Variants in TRIM3 observed in about 807,000 individuals in gnomAD.
The protein encoded by TRIM3 is tripartite motif containing 3.
TRIM3 carries 13 observed loss-of-function variants against 66.6 expected under a neutral mutation model. The observed-to-expected ratio is 0.20, with a 90% CI of 0.13 to 0.31. TRIM3 has a LOEUF of 0.31. Among genes scored for constraint, TRIM3 ranks in the 10% least tolerant of loss-of-function variants. The probability of loss-of-function intolerance (pLI) is 1.00; values close to 1 mark genes in which losing one functional copy is unlikely to be tolerated. For synonymous variants in TRIM3, 406 were observed against 411.7 expected, an observed-to-expected ratio of 0.99 and a Z score of 0.17; for missense variants, 711 against 1,020.4, an observed-to-expected ratio of 0.70 and a Z score of 4.13.
Position 6,449,462 on chromosome 11 carries a change from G to A in TRIM3, c.1942-16C>T, listed in dbSNP as rs1849629962. The stretch of plus-strand genomic sequence containing the variant: ...CACTGTACACCTGGCGGGGGAAGGG[G>A]CTAGGGACTGGGGACCTGGCCTCAG... On this transcript the variant is annotated splice_polypyrimidine_tract_variant and intron_variant, in intron 10 of 11. Coordinates refer to ENST00000345851, the MANE Select transcript of TRIM3 (RefSeq NM_033278.4). The surrounding 1 kb of genome is among the most constrained non-coding windows in gnomAD (Gnocchi z 5.3). The A allele has an allele frequency of 6.2e-7, 1 of 1,609,150 alleles. No individual in the cohort carries two copies. The highest frequency in any genetic ancestry group is 8.5e-7 in the Non-Finnish European group (1 of 1,176,804).
In TRIM3 at chr11:6,458,349, C is replaced by T; in HGVS notation, c.132-53G>A. ...GAGTGGGTGGGGTGGCATAAGTGCA[C>T]CCTTCCTTATACTTCCCATGGGTGC... On this transcript the variant is annotated intron_variant, in intron 2 of 11. Coordinates refer to ENST00000345851, the MANE Select transcript of TRIM3 (RefSeq NM_033278.4). This position sits in a 1 kb window ranked among gnomAD's most constrained non-coding sequence, Gnocchi z 6.2. 6.7e-6 allele frequency: 10 copies of T among 1,489,634 alleles called. No homozygotes were observed. Among genetic ancestry groups the T allele is most frequent in the Non-Finnish European group, 9.3e-6 (10 of 1,078,142 alleles). The allele number at this position is 1,489,634 out of a possible 1,614,324, so 92.3% of individuals were successfully genotyped here. A position where few individuals can be genotyped will look rare whatever the true frequency, so the allele number is the denominator to read the frequency against.
At chr11:6,460,886 T>G (rs1850202178) in intron 2 of TRIM3, among the ~76,000 whole-genome samples, 1 of 150,150 alleles carries the variant, frequency 6.7e-6, no homozygotes, top group South Asian at 2.1e-4. Flanking sequence ...TTTGTTTTTG[T>G]TTTTTTGGTG....
rs930352035 is a variant in TRIM3 at position 6,450,896 on chromosome 11, A to G, written c.1866T>C (p.Phe622=). The G allele has an allele frequency of 1.2e-6, 2 of 1,614,200 alleles. No homozygotes were observed. The highest frequency in any genetic ancestry group is 1.3e-5 in the African/African-American group (1 of 75,066). The change falls in exon 9 of 12, where the codon TTT becomes TTC. Residue 622 remains phenylalanine (F), a synonymous_variant. Coordinates refer to ENST00000345851, the MANE Select transcript of TRIM3 (RefSeq NM_033278.4). This position sits in a 1 kb window ranked among gnomAD's most constrained non-coding sequence, Gnocchi z 4.8. ...FGGRGATDRH[F]AGPHFVAVNN... is the part of the protein sequence containing the mutation. ...CTTGGAGCTGTCCCCCTATACCTGC[A>G]AAGTGGCGGTCAGTGGCCCCACGGC... is the stretch of plus-strand genomic sequence containing the variant.
chr11:6,461,974 C>T (rs1488811573), intron 2 of TRIM3, among the ~76,000 whole-genome samples: 2 of 152,210 alleles, frequency 1.3e-5, no homozygotes, highest in African/African-American at 4.8e-5. Context: ...AATTTCACCT[C>T]ATCCCACTTT....
rs368338923 is a variant in TRIM3, at chr11:6,468,109, C to A, written c.-37-2377G>T. The stretch of plus-strand genomic sequence containing the variant: ...GATCAGTCTGGGCAACATAATGAGA[C>A]CCCATCTCTATAAAAATAAAATAAA... On this transcript the variant is annotated intron_variant, in intron 1 of 11. Transcript: ENST00000345851. 2.0e-5 allele frequency among the ~76,000 whole-genome samples: 3 copies of A among 152,250 alleles called. No individual in the cohort carries two copies. In the East Asian group the frequency reaches 5.8e-4, roughly 29 times the overall value.
chr11:6,462,037 C>T (rs1850265680), intron 2 of TRIM3, among the ~76,000 whole-genome samples: 1 of 152,188 alleles, frequency 6.6e-6, no homozygotes, highest in African/African-American at 2.4e-5. Flanking sequence ...CATGTCCTGT[C>T]TACTTCTTCC....
chr11:6,466,696 C>T (rs1331761510), intron 1 of TRIM3, among the ~76,000 whole-genome samples: 3 of 151,732 alleles, frequency 2.0e-5, no homozygotes, highest in African/African-American at 7.3e-5. Flanking sequence ...TTCCTGGCCC[C>T]TTTTCCTGGC....
Position 6,449,015 on chromosome 11 carries a change from G to C in TRIM3, c.*13C>G, listed in dbSNP as rs779436617. 6 of 1,612,862 alleles carry C rather than the reference G, an allele frequency of 3.7e-6. No homozygotes were observed. The highest frequency in any genetic ancestry group is 5.1e-6 in the Non-Finnish European group (6 of 1,179,050). On this transcript the variant is annotated 3_prime_UTR_variant, in exon 12 of 12. Coordinates refer to ENST00000345851, the MANE Select transcript of TRIM3 (RefSeq NM_033278.4). This position sits in a 1 kb window ranked among gnomAD's most constrained non-coding sequence, Gnocchi z 5.3. ...GTCTGTCCCTCCACAAGCCAGGCAG[G>C]GCCTCTGTACAGCTACTGGAGGTAG...
Position 6,457,886 on chromosome 11 carries a change from T to C in TRIM3, c.364-39A>G, listed in dbSNP as rs1850067805. 2 of 1,611,658 alleles carry C rather than the reference T, an allele frequency of 1.2e-6. No individual in the cohort carries two copies. Among genetic ancestry groups the C allele is most frequent in the Non-Finnish European group, 1.7e-6 (2 of 1,178,402 alleles). ...ACTCCAGTCGGGTAATGGCTAGACA[T>C]CACACTTCTTTGTCCCCTCCCCACC... On this transcript the variant is annotated intron_variant, in intron 3 of 11. Coordinates refer to ENST00000345851, the MANE Select transcript of TRIM3 (RefSeq NM_033278.4). The surrounding 1 kb of genome is among the most constrained non-coding windows in gnomAD (Gnocchi z 4.5).
In TRIM3 at chr11:6,456,482, C is replaced by T. The variant is rs763840735; in HGVS notation, c.1244G>A (p.Arg415His). Residue 415 changes from arginine to histidine, a missense_variant, in exon 6 of 12, where the codon CGC becomes CAC. Arg to His is a conservative substitution (Grantham distance 29, BLOSUM62 0). Around this residue, in one of 3 missense-constraint regions of TRIM3, gnomAD observed 399 missense variants for 458.1 expected, o/e 0.87. Transcript: ENST00000345851. The surrounding 1 kb of genome is among the most constrained non-coding windows in gnomAD (Gnocchi z 6.4). ...YGQPVRGSPF[R>H]VRALRPGDLP... is the part of the protein sequence containing the mutation. The stretch of plus-strand genomic sequence containing the variant: ...GTCCCCCGGACGCAGGGCACGCACG[C>T]GGAAGGGGCTGCCGCGCACTGGCTG... The T allele has an allele frequency of 6.4e-6, 10 of 1,557,824 alleles. No homozygotes were observed. Among genetic ancestry groups the T allele is most frequent in the South Asian group, 2.4e-5 (2 of 84,592 alleles).
chr11:6,466,555 T>C (rs914670792), intron 1 of TRIM3, among the ~76,000 whole-genome samples: 1 of 151,720 alleles, frequency 6.6e-6, no homozygotes, highest in Non-Finnish European at 1.5e-5. Flanking sequence ...TTCTACAACC[T>C]CATGTCTCAT....
chr11:6,459,130 GATAA>G (rs1850114461), intron 2 of TRIM3, among the ~76,000 whole-genome samples: 1 of 152,192 alleles, frequency 6.6e-6, no homozygotes, highest in Admixed American at 6.5e-5. Flanking sequence ...AATCTTCAAG[GATAA>G]ATAATTGTTA....
At chr11:6,468,044 G>A (rs182895382) in intron 1 of TRIM3, among the ~76,000 whole-genome samples, 1 of 152,304 alleles carries the variant, frequency 6.6e-6, no homozygotes, top group East Asian at 1.9e-4. Context: ...AGCACTTCGA[G>A]AGGCTGAGGA....
chr11:6,461,220 G>T (rs1011716757), intron 2 of TRIM3, among the ~76,000 whole-genome samples: 1 of 151,998 alleles, frequency 6.6e-6, no homozygotes, highest in East Asian at 1.9e-4. Context: ...TTATTTAATT[G>T]TGACTTACTT....
intron 7 of TRIM3, chr11:6,452,404 G>GGGGACACAA (rs1312282525): frequency 6.6e-6 from 1 of 152,220 alleles, no homozygotes; most frequent in Non-Finnish European, 1.5e-5. Flanking sequence ...TATAGGCTCT[G>GGGGACACAA]GGGACACAAG....
At position 6,448,880 on chromosome 11, in the gene TRIM3, T is replaced by G. The variant is rs1849607182; in HGVS notation, c.*148A>C. ...AATAAATAAAGTGCAACCGTGGGGG[T>G]GGGGGTAGGAGAGGGAGGGCACCGG... On this transcript the variant is annotated 3_prime_UTR_variant, in exon 12 of 12. Coordinates refer to ENST00000345851, the MANE Select transcript of TRIM3 (RefSeq NM_033278.4). 2.2e-6 allele frequency: 2 copies of G among 911,358 alleles called. No individual in the cohort carries two copies. The highest frequency in any genetic ancestry group is 1.7e-6 in the Non-Finnish European group (1 of 582,146). The allele number at this position is 911,358 out of a possible 1,614,324, so 56.5% of individuals were successfully genotyped here.
At chr11:6,451,107 A>T in intron 8 of TRIM3, 47 bp from the exon 9 acceptor site, 3 of 1,609,466 alleles carry the variant, frequency 1.9e-6, no homozygotes, top group Non-Finnish European at 2.6e-6. Context: ...GACAGTGGGG[A>T]AAGTAGTCCT....
Position 6,457,367 on chromosome 11 carries a change from C to T in TRIM3, c.625G>A (p.Glu209Lys). Residue 209 changes from glutamate to lysine, a missense_variant, in exon 5 of 12, where the codon GAG becomes AAG. Physicochemically the swap from Glu to Lys is moderately conservative, Grantham distance 56. This residue lies in a region of TRIM3 where 399 missense variants were observed against 458.1 expected (regional missense o/e 0.87). Transcript: ENST00000345851. This position sits in a 1 kb window ranked among gnomAD's most constrained non-coding sequence, Gnocchi z 4.5. ...TGCTTGCGCTGCTGCAGTGCTTGCTCCAGGTCCTCGAACGCTGCACTGATC... is the reference window on the plus strand; with the variant it reads ...TGCTTGCGCTGCTGCAGTGCTTGCTTCAGGTCCTCGAACGCTGCACTGATC... ...AQISAAFEDL[E>K]QALQQRKQAL... 3 of 1,613,940 alleles carry T rather than the reference C, an allele frequency of 1.9e-6. No individual in the cohort carries two copies. The highest frequency in any genetic ancestry group is 1.1e-5 in the South Asian group (1 of 91,080).
Position 6,450,293 on chromosome 11 carries a change from G to A in TRIM3, c.1941+258C>T. The A allele has an allele frequency of 1.9e-6, 1 of 524,466 alleles. No individual in the cohort carries two copies. The highest frequency in any genetic ancestry group is 3.4e-6 in the Non-Finnish European group (1 of 293,680). 32.5% of individuals were successfully genotyped at this position (524,466 alleles called of 1,614,324 possible). On this transcript the variant is annotated intron_variant, in intron 10 of 11. Coordinates refer to ENST00000345851, the MANE Select transcript of TRIM3 (RefSeq NM_033278.4). This position sits in a 1 kb window ranked among gnomAD's most constrained non-coding sequence, Gnocchi z 4.8. Reference sequence around the variant, plus strand: ...ATCACAGAATCTATTACATCATATTGTAATTTTTTGGTTACCTTTTTCTCT... The same window carrying A: ...ATCACAGAATCTATTACATCATATTATAATTTTTTGGTTACCTTTTTCTCT...
Sources: gnomAD v4.1 joint callset for allele counts (sites outside exome capture counted in the v4.1 genomes callset) on GRCh38, gnomAD v4.1.1 for gene constraint, gnomAD v4.1.1 regional missense constraint, Gnocchi (gnomAD v3.1) non-coding constraint, MANE v1.5 for transcripts, NCBI Gene and HGNC (gene_info 2026-07-23, HGNC 2026-07-21) for gene names.